The following NKAIN2 variants were observed in gnomAD, a reference collection of about 807,000 sequenced individuals.
NKAIN2 encodes sodium/potassium transporting ATPase interacting 2.
NKAIN2 carries 14 observed loss-of-function variants against 32.6 expected under a neutral mutation model. The observed-to-expected ratio is 0.43, with a 90% confidence interval of 0.28 to 0.67. The LOEUF (loss-of-function observed/expected upper bound fraction) is 0.67, where lower values mean the gene tolerates loss of function less well. Ranked by LOEUF, NKAIN2 falls within the 30% of genes least tolerant of loss-of-function variation. The pLI is 0.17. For synonymous variants in NKAIN2, 80 were observed against 87.2 expected (o/e 0.92, Z 0.46); for missense variants, 198 against 258.3 (o/e 0.77, Z 1.60).
chr6:123,919,198 A>G (rs1380845332), intron 1 of NKAIN2, among the ~76,000 whole-genome samples: 3 of 152,152 alleles, frequency 2.0e-5, no homozygotes, highest in Non-Finnish European at 4.4e-5. Context: ...TATCAGTAAC[A>G]TATATCATAA....
At chr6:124,482,061 T>C (rs1436792149) in intron 3 of NKAIN2, among the ~76,000 whole-genome samples, 1 of 152,194 alleles carries the variant, frequency 6.6e-6, no homozygotes, top group Admixed American at 6.5e-5. Flanking sequence ...ATGTATTACA[T>C]AGTTTTAAAC....
intron 2 of NKAIN2, among the ~76,000 whole-genome samples, chr6:124,289,568 G>A (rs1795707062): frequency 6.6e-6 from 1 of 152,084 alleles, no homozygotes; most frequent in African/African-American, 2.4e-5. Context: ...GTAAAGAATC[G>A]CATACTCAAT....
At chr6:124,257,425 G>C (rs1160869759) in intron 1 of NKAIN2, among the ~76,000 whole-genome samples, 1 of 152,076 alleles carries the variant, frequency 6.6e-6, no homozygotes, top group Non-Finnish European at 1.5e-5. Flanking sequence ...AACTCACCCA[G>C]AACTAATGTA....
intron 2 of NKAIN2, among the ~76,000 whole-genome samples, chr6:124,322,618 T>C (rs1797245405): frequency 6.6e-6 from 1 of 152,224 alleles, no homozygotes; most frequent in African/African-American, 2.4e-5. Context: ...TAGACTATTA[T>C]TGAAACAATT....
intron 3 of NKAIN2, among the ~76,000 whole-genome samples, chr6:124,596,662 G>GT (rs1491314863): frequency 5.6e-5 from 5 of 89,398 alleles, no homozygotes; most frequent in African/African-American, 2.2e-4. Context: ...ATAAACCATA[G>GT]GGTGTGTGTG....
chr6:124,465,239 C>T (rs550280), intron 3 of NKAIN2, among the ~76,000 whole-genome samples: 105,173 of 151,964 alleles, frequency 0.69, 36,486 homozygotes, highest in East Asian at 0.78. Flanking sequence ...ACCCAAATGC[C>T]GATCAATGGT....
At chr6:124,620,772 G>T (rs918492744) in intron 3 of NKAIN2, among the ~76,000 whole-genome samples, 1 of 152,114 alleles carries the variant, frequency 6.6e-6, no homozygotes, top group Admixed American at 6.5e-5. Flanking sequence ...GCTTGGAGGG[G>T]TTTTCACAGA....
At chr6:123,923,505 G>C (rs1775857122) in intron 1 of NKAIN2, among the ~76,000 whole-genome samples, 1 of 151,840 alleles carries the variant, frequency 6.6e-6, no homozygotes, top group African/African-American at 2.4e-5. Flanking sequence ...AAAGAATTTT[G>C]GCACTATTCA....
At chr6:124,742,916 C>T (rs970117370) in intron 4 of NKAIN2, among the ~76,000 whole-genome samples, 2 of 151,896 alleles carry the variant, frequency 1.3e-5, no homozygotes, top group African/African-American at 2.4e-5. Context: ...AAGATCAAAA[C>T]ATTAAAATTA....
chr6:124,540,328 G>T (rs1779865045), intron 3 of NKAIN2, among the ~76,000 whole-genome samples: 1 of 152,146 alleles, frequency 6.6e-6, no homozygotes, highest in Admixed American at 6.5e-5. Context: ...AAGAAATTAA[G>T]TCTCATGGGT....
intron 4 of NKAIN2, among the ~76,000 whole-genome samples, chr6:124,748,458 GGGTACA>G (rs1325663656): frequency 1.3e-5 from 2 of 151,930 alleles, no homozygotes; most frequent in Non-Finnish European, 2.9e-5. Context: ...CAGATTCCAA[GGGTACA>G]GATGCTTTTC....
At chr6:123,806,378 A>T (rs906695412) in intron 1 of NKAIN2, among the ~76,000 whole-genome samples, 1 of 152,104 alleles carries the variant, frequency 6.6e-6, no homozygotes, top group African/African-American at 2.4e-5. Context: ...AGAACAAAAA[A>T]CAAAGGACAA....
intron 4 of NKAIN2, among the ~76,000 whole-genome samples, chr6:124,716,401 G>A (rs1220535045): frequency 1.3e-5 from 2 of 152,162 alleles, no homozygotes; most frequent in African/African-American, 4.8e-5. Context: ...GTGGCATGGA[G>A]AGCATAAAAA....
rs915736531 is a variant in NKAIN2, at chr6:123,831,526, A to G, written c.54+27272A>G. 3.3e-5 allele frequency among the ~76,000 whole-genome samples: 5 copies of G among 151,178 alleles called. No individual in the cohort carries two copies. The South Asian group carries it at 1.0e-3, about 32-fold the overall frequency. ...GTTAATTTAATTATTTTTATTAAAG[A>G]CTTTATTTTTTACAGCAGTTTTAGG... On this transcript the variant is annotated intron_variant, in intron 1 of 6. Coordinates refer to ENST00000368417, the MANE Select transcript of NKAIN2 (RefSeq NM_001040214.3).
chr6:124,503,346 C>T (rs954256643), intron 3 of NKAIN2, among the ~76,000 whole-genome samples: 33 of 152,080 alleles, frequency 2.2e-4, no homozygotes, highest in African/African-American at 7.5e-4. Context: ...CAGGTACATT[C>T]ATAGAGACAT....
chr6:124,059,623 G>A (rs529766443), intron 1 of NKAIN2, among the ~76,000 whole-genome samples: 6 of 152,208 alleles, frequency 3.9e-5, no homozygotes, highest in East Asian at 3.9e-4. Flanking sequence ...GAATGCATCC[G>A]CCTGACTCTG....
chr6:124,528,271 T>G (rs780780895), intron 3 of NKAIN2, among the ~76,000 whole-genome samples: 2 of 152,250 alleles, frequency 1.3e-5, no homozygotes, highest in African/African-American at 4.8e-5. Context: ...AGTTTCTGCC[T>G]TGGAAAACAT....
chr6:123,956,740 A>G (rs1777611744), intron 1 of NKAIN2, among the ~76,000 whole-genome samples: 1 of 152,202 alleles, frequency 6.6e-6, no homozygotes, highest in African/African-American at 2.4e-5. Context: ...TGGGAGTAAC[A>G]GTTCCATCCA....
chr6:124,183,483 T>G (rs1239283343), intron 1 of NKAIN2, among the ~76,000 whole-genome samples: 1 of 152,130 alleles, frequency 6.6e-6, no homozygotes, highest in Non-Finnish European at 1.5e-5. Flanking sequence ...ACTTAATCCT[T>G]GAGTATATGT....
Sources: allele counts gnomAD v4.1 joint callset (sites outside exome capture counted in the v4.1 genomes callset), GRCh38; gene constraint gnomAD v4.1.1; transcripts MANE v1.5; gene names NCBI Gene and HGNC (gene_info 2026-07-23, HGNC 2026-07-21).